Variants in TRPC4 observed in about 807,000 individuals in gnomAD.
TRPC4 encodes transient receptor potential cation channel subfamily C member 4.
Under a neutral mutation model 99.4 loss-of-function variants are expected in TRPC4, and 49 were observed. That is an observed-to-expected ratio of 0.49 (90% CI 0.39 to 0.63). The LOEUF (loss-of-function observed/expected upper bound fraction) is 0.63, where lower values mean the gene tolerates loss of function less well. TRPC4 is among the 20% of genes least tolerant of loss of function. The probability of loss-of-function intolerance (pLI) is 0.00; values close to 1 mark genes in which losing one functional copy is unlikely to be tolerated. For synonymous variants in TRPC4, 454 were observed against 425.9 expected, an observed-to-expected ratio of 1.07 and a Z score of -0.81; for missense variants, 898 against 1,152.9, an observed-to-expected ratio of 0.78 and a Z score of 3.20.
chr13:37,634,685 G>C lies in TRPC4; in HGVS notation c.*2218C>G, dbSNP rs1348192946. The stretch of plus-strand genomic sequence containing the variant: ...GGTTATGTATAGTGTCCTTACTTTG[G>C]GAAAAAACAAAATAAAACAACAACG... On this transcript the variant is annotated 3_prime_UTR_variant, in exon 11 of 11. Coordinates refer to ENST00000379705, the MANE Select transcript of TRPC4 (RefSeq NM_016179.4). Among the ~76,000 whole-genome samples the C allele has an allele frequency of 6.6e-6, 1 of 151,526 alleles. No homozygotes were observed. Among genetic ancestry groups the C allele is most frequent in the Non-Finnish European group, 1.5e-5 (1 of 67,890 alleles).
intron 6 of TRPC4, among the ~76,000 whole-genome samples, chr13:37,660,971 A>C (rs563276934): frequency 6.6e-6 from 1 of 152,310 alleles, no homozygotes; most frequent in South Asian, 2.1e-4. Context: ...CCTGCTTCCT[A>C]ATGTTAAGGG....
chr13:37,744,569 G>GA (rs1265031625), intron 3 of TRPC4, among the ~76,000 whole-genome samples: 2 of 152,054 alleles, frequency 1.3e-5, no homozygotes, highest in African/African-American at 4.8e-5. Context: ...ACAACTAGAG[G>GA]AAAAAATTGA....
chr13:37,817,327 A>G (rs1417253546), intron 1 of TRPC4, among the ~76,000 whole-genome samples: 1 of 152,074 alleles, frequency 6.6e-6, no homozygotes, highest in Non-Finnish European at 1.5e-5. Flanking sequence ...GAGGTGAAAG[A>G]CCTCTACAAG....
At chr13:37,739,664 C>T (rs896714191) in intron 3 of TRPC4, among the ~76,000 whole-genome samples, 8 of 151,932 alleles carry the variant, frequency 5.3e-5, no homozygotes, top group South Asian at 2.1e-4. Flanking sequence ...CACCACCATG[C>T]CCAGCTAATT....
chr13:37,785,273 C>A (rs1367955953), intron 1 of TRPC4, among the ~76,000 whole-genome samples: 4 of 152,014 alleles, frequency 2.6e-5, no homozygotes, highest in African/African-American at 9.7e-5. Context: ...AGGTGGTTGA[C>A]ACTCCCTTCC....
chr13:37,701,455 C>T (rs1954098492), intron 3 of TRPC4, among the ~76,000 whole-genome samples: 1 of 151,970 alleles, frequency 6.6e-6, no homozygotes, highest in South Asian at 2.1e-4. Context: ...TTTTTTTAAA[C>T]AGCCTAAGTT....
At chr13:37,749,596 T>A (rs1352489792) in intron 2 of TRPC4, among the ~76,000 whole-genome samples, 1 of 152,068 alleles carries the variant, frequency 6.6e-6, no homozygotes, top group Non-Finnish European at 1.5e-5. Context: ...AACAAAAGTG[T>A]TTTAAGAAAA....
intron 8 of TRPC4, among the ~76,000 whole-genome samples, chr13:37,640,756 G>T (rs979360725): frequency 6.6e-6 from 1 of 152,074 alleles, no homozygotes; most frequent in South Asian, 2.1e-4. Flanking sequence ...CAGTCTTCTA[G>T]ATCTCCTTAA....
At chr13:37,646,479 T>C (rs1480004804) in intron 8 of TRPC4, among the ~76,000 whole-genome samples, 6 of 152,204 alleles carry the variant, frequency 3.9e-5, no homozygotes, top group Non-Finnish European at 5.9e-5. Context: ...TGTATTATAA[T>C]AGCATCTTCG....
intron 8 of TRPC4, among the ~76,000 whole-genome samples, chr13:37,646,712 C>T (rs1033063375): frequency 1.3e-5 from 2 of 152,112 alleles, no homozygotes; most frequent in Admixed American, 6.5e-5. Context: ...TTCTTGTATG[C>T]TAAAATATTT....
Position 37,797,284 on chromosome 13 carries a change from G to A in TRPC4, c.-27-13924C>T, listed in dbSNP as rs140732621. On this transcript the variant is annotated intron_variant, in intron 1 of 10. Transcript: ENST00000379705. Reference sequence around the variant, plus strand: ...AACTCCCCAGTTACAGACAGTGAATGAATCTAGTTCAACTGACTATGGATG... The same window carrying A: ...AACTCCCCAGTTACAGACAGTGAATAAATCTAGTTCAACTGACTATGGATG... Among the ~76,000 whole-genome samples the A allele has an allele frequency of 1.2e-4, 19 of 152,268 alleles. 1 individual carries two copies. In the East Asian group the frequency reaches 3.7e-3, roughly 29 times the overall value.
chr13:37,698,732 T>C (rs1954004064), intron 3 of TRPC4, among the ~76,000 whole-genome samples: 1 of 152,092 alleles, frequency 6.6e-6, no homozygotes, highest in Admixed American at 6.5e-5. Flanking sequence ...CTTGTGCAAG[T>C]GGAAAAGCCG....
chr13:37,777,816 C>T (rs1344522302), intron 2 of TRPC4, among the ~76,000 whole-genome samples: 1 of 151,900 alleles, frequency 6.6e-6, no homozygotes, highest in African/African-American at 2.4e-5. Context: ...GACCACAGGC[C>T]TGATTAACAG....
At position 37,663,602 on chromosome 13, in the gene TRPC4, T is replaced by C. The variant is rs1022027626; in HGVS notation, c.1502A>G (p.His501Arg). 1 of 1,614,054 alleles carries C rather than the reference T, an allele frequency of 6.2e-7. No homozygotes were observed. Among genetic ancestry groups the C allele is most frequent in the Non-Finnish European group, 8.5e-7 (1 of 1,179,920 alleles). The change falls in exon 6 of 11, where the codon CAC becomes CGC. Residue 501 changes from histidine (H) to arginine (R), a missense_variant. Transcript: ENST00000379705. Reference protein sequence around the residue: ...RLISLFTANSHLGPLQISLGR... With the variant: ...RLISLFTANSRLGPLQISLGR... ...CAGAGATATTTGCAGAGGTCCCAGG[T>C]GAGAATTTGCAGTAAACAGTGAGAT...
chr13:37,841,312 C>A (rs970019278), intron 1 of TRPC4, among the ~76,000 whole-genome samples: 7 of 151,978 alleles, frequency 4.6e-5, no homozygotes, highest in African/African-American at 1.7e-4. Flanking sequence ...AAGCAAAAAC[C>A]TGATTTTCTT....
At chr13:37,645,320 T>A (rs897171953) in intron 8 of TRPC4, among the ~76,000 whole-genome samples, 2 of 151,994 alleles carry the variant, frequency 1.3e-5, no homozygotes, top group African/African-American at 4.8e-5. Flanking sequence ...AAGTTTCAGG[T>A]TTCTTTAGAG....
chr13:37,779,182 A>G (rs1956777146), intron 2 of TRPC4, among the ~76,000 whole-genome samples: 1 of 152,124 alleles, frequency 6.6e-6, no homozygotes, highest in African/African-American at 2.4e-5. Flanking sequence ...TGGACTTAGA[A>G]GACATCTAAG....
intron 3 of TRPC4, among the ~76,000 whole-genome samples, chr13:37,739,077 C>T (rs1313625622): frequency 6.6e-6 from 1 of 151,944 alleles, no homozygotes; most frequent in African/African-American, 2.4e-5. Flanking sequence ...ACTGGAGAAG[C>T]AAAATGTGAA....
chr13:37,783,772 A>G (rs1294496668), intron 1 of TRPC4, among the ~76,000 whole-genome samples: 2 of 152,112 alleles, frequency 1.3e-5, no homozygotes, highest in East Asian at 1.9e-4. Flanking sequence ...TTCATTGTCA[A>G]TTTTTCTAAT....
Sources: gnomAD v4.1 joint callset for allele counts (sites outside exome capture counted in the v4.1 genomes callset) on GRCh38, gnomAD v4.1.1 for gene constraint, MANE v1.5 for transcripts, NCBI Gene and HGNC (gene_info 2026-07-23, HGNC 2026-07-21) for gene names.